TSPAN6: variants seen among roughly 807,000 people sequenced by gnomAD.
TSPAN6 encodes the protein tetraspanin 6.
In TSPAN6, 13 loss-of-function variants were observed where a neutral mutation model predicts 18.0. The observed-to-expected ratio is 0.72, with a 90% CI of 0.47 to 1.15. The LOEUF (loss-of-function observed/expected upper bound fraction) is 1.15. TSPAN6 is among the 50% of genes most tolerant of loss of function. TSPAN6 has a pLI of 0.00. For synonymous variants in TSPAN6, 82 were observed against 67.0 expected, an observed-to-expected ratio of 1.22 and a Z score of -1.09; for missense variants, 186 against 183.9, an observed-to-expected ratio of 1.01 and a Z score of -0.07.
intron 6 of TSPAN6, 44 bp downstream of exon 6, chrX:100,632,441 T>G (rs1242135991): frequency 9.0e-6 from 9 of 1,004,065 alleles, no homozygotes; most frequent in Non-Finnish European, 1.3e-5. Context: ...AGCTTACACC[T>G]ACAAGAGGGA....
chrX:100,630,066 T>C, intron 7 of TSPAN6, 80 bp from the exon 8 acceptor site: 2 of 579,003 alleles, frequency 3.5e-6, no homozygotes, highest in Non-Finnish European at 4.2e-6. Context: ...TTCTAATCTA[T>C]TCCTGCTAAT....
chrX:100,634,584 C>T (rs886781509), intron 3 of TSPAN6, among the ~76,000 whole-genome samples: 64 of 110,672 alleles, frequency 5.8e-4, no homozygotes, highest in African/African-American at 2.0e-3. Context: ...CTCCATCTCC[C>T]GGGTTCATGC....
rs2083088372 is a variant in TSPAN6, at chrX:100,635,547, C to T, written c.276+11G>A. On this transcript the variant is annotated intron_variant, in intron 2 of 7. Transcript: ENST00000373020. ...AACCAAGAATCAATTCTAATGAAAA[C>T]AAGGACTCACCAGTTTTAGCATCCA... 8.6e-7 allele frequency: 1 copy of T among 1,164,700 alleles called. No individual in the cohort carries two copies. The highest frequency in any genetic ancestry group is 1.8e-5 in the African/African-American group (1 of 55,511).
intron 7 of TSPAN6, 140 bp from the exon 8 acceptor site, chrX:100,630,126 T>C (rs2083048851): frequency 1.0e-5 from 2 of 195,272 alleles, no homozygotes; most frequent in Admixed American, 1.9e-4. Context: ...AAATGCAAAG[T>C]GTGCCCTAGG....
intron 5 of TSPAN6, among the ~76,000 whole-genome samples, chrX:100,632,876 T>C (rs1434232592): frequency 9.0e-6 from 1 of 111,379 alleles, no homozygotes; most frequent in Non-Finnish European, 1.9e-5. Flanking sequence ...CAGTGAGCTA[T>C]GATCACAACA....
At chrX:100,632,398 T>G (rs1481073881) in intron 6 of TSPAN6, 87 bp downstream of exon 6, 1 of 692,770 alleles carries the variant, frequency 1.4e-6, no homozygotes, top group African/African-American at 2.3e-5. Context: ...CGAGCAAGAC[T>G]CCATCTCAAA....
chrX:100,630,898 A>G (rs1569351750), intron 6 of TSPAN6, 32 bp from the exon 7 acceptor site: 2 of 1,069,498 alleles, frequency 1.9e-6, no homozygotes, highest in East Asian at 3.0e-5. Context: ...AATTAAATAC[A>G]TACACAAAAG....
At chrX:100,631,529 C>T (rs779857630) in intron 6 of TSPAN6, among the ~76,000 whole-genome samples, 11 of 111,733 alleles carry the variant, frequency 9.8e-5, no homozygotes, top group African/African-American at 3.2e-4. Flanking sequence ...AAACTTCATG[C>T]TACAGTGGGA....
chrX:100,634,123 T>C, intron 3 of TSPAN6, 94 bp from the exon 4 acceptor site: 1 of 536,356 alleles, frequency 1.9e-6, no homozygotes, highest in African/African-American at 2.3e-5. Context: ...AATGGTCATA[T>C]CTTTGACAGC....
rs1479495160 is a variant in TSPAN6 at position 100,627,660 on chromosome X, T to C, written c.*2366A>G. 8.9e-6 allele frequency: 1 copy of C among 112,195 alleles called. No individual in the cohort carries two copies. The highest frequency in any genetic ancestry group is 3.2e-5 in the African/African-American group (1 of 30,843). 9.2% of individuals were successfully genotyped at this position (112,195 alleles called of 1,213,427 possible). ...TCAGTATGCACAAGCACACATCAGC[T>C]ATAAGGGCGTTTTCTAACTGGCTAT... On this transcript the variant is annotated 3_prime_UTR_variant, in exon 8 of 8. Transcript: ENST00000373020.
rs200807667 is a variant in TSPAN6 at position 100,635,718 on chromosome X, C to T, written c.116G>A (p.Gly39Asp). 34 of 1,180,650 alleles carry T rather than the reference C, an allele frequency of 2.9e-5. No homozygotes were observed. The Admixed American group carries it at 8.1e-4, about 28-fold the overall frequency. ...CTCCAGGCTCACCTTGCCCCAAATG[C>T]CAACTGCAAGAAGGATAACGCCAGT... ...WITGVILLAV[G>D]IWGKVSLENY... Residue 39 changes from glycine (G) to aspartate (D), a missense_variant, in exon 2 of 8, where the codon GGC (glycine) becomes GAC (aspartate). Transcript: ENST00000373020.
Position 100,633,502 on chromosome X carries a change from G to A in TSPAN6, c.488C>T (p.Thr163Ile), listed in dbSNP as rs759091780. 2.5e-6 allele frequency: 3 copies of A among 1,205,213 alleles called. No homozygotes were observed. In the South Asian group the frequency reaches 5.4e-5, roughly 22 times the overall value. Residue 163 changes from threonine (T) to isoleucine (I), a missense_variant, in exon 5 of 8, where the codon ACA becomes ATA. Thr to Ile is a moderately conservative substitution (Grantham distance 89). Coordinates refer to ENST00000373020, the MANE Select transcript of TSPAN6 (RefSeq NM_003270.4). ...TTTTTCTGAGTAATAATTAGTATCT[G>A]TCCAATCTCTATAATCGGTGACACC... is the stretch of plus-strand genomic sequence containing the variant. Reference protein sequence around the residue: ...CCGVTDYRDWTDTNYYSEKGF... With the variant: ...CCGVTDYRDWIDTNYYSEKGF...
At chrX:100,634,970 A>T in intron 3 of TSPAN6, among the ~76,000 whole-genome samples, 1 of 112,549 alleles carries the variant, frequency 8.9e-6, no homozygotes, top group East Asian at 2.8e-4. Flanking sequence ...AGGGAATATA[A>T]GTAAGTAATT....
intron 7 of TSPAN6, among the ~76,000 whole-genome samples, chrX:100,630,416 T>C (rs111895914): frequency 0.016 from 1,794 of 111,816 alleles, 43 homozygotes; most frequent in African/African-American, 0.056. Context: ...AGGTCATTCT[T>C]GGGATTCTTT....
At position 100,629,187 on chromosome X, in the gene TSPAN6, TACA is replaced by T. The variant is rs1487236268; in HGVS notation, c.*836_*838del. The T allele has an allele frequency of 1.3e-4, 15 of 112,162 alleles. No homozygotes were observed. In the South Asian group the frequency reaches 3.4e-3, roughly 25 times the overall value. The allele number at this position is 112,162 out of a possible 1,213,427, so 9.2% of individuals were successfully genotyped here. On this transcript the variant is annotated 3_prime_UTR_variant, in exon 8 of 8. Coordinates refer to ENST00000373020, the MANE Select transcript of TSPAN6 (RefSeq NM_003270.4). ...AGTTCCACTGAATTCCTAAGGAAAA[TACA>T]ACAATTCCGACACCATTTAATAATT...
At position 100,634,006 on chromosome X, in the gene TSPAN6, A is replaced by G; in HGVS notation, c.375T>C (p.Asn125=). The G allele has an allele frequency of 1.7e-6, 2 of 1,193,248 alleles. No homozygotes were observed. Among genetic ancestry groups the G allele is most frequent in the Non-Finnish European group, 2.3e-6 (2 of 880,953 alleles). ...RHEIKNSFKN[N]YEKALKQYNS... ...TATACTGCTTCAAAGCCTTCTCATA[A>G]TTATTCTTAAAGCTGTTCTTAATCT... The change falls in exon 4 of 8, where the codon AAT becomes AAC. Residue 125 remains asparagine (N), a synonymous_variant. Coordinates refer to ENST00000373020, the MANE Select transcript of TSPAN6 (RefSeq NM_003270.4).
chrX:100,632,237 T>G (rs938584106), intron 6 of TSPAN6, among the ~76,000 whole-genome samples: 2 of 110,851 alleles, frequency 1.8e-5, no homozygotes, highest in Non-Finnish European at 3.8e-5. Flanking sequence ...AAACCCCAAC[T>G]CTACTAAAAA....
chrX:100,630,781 C>T lies in TSPAN6; in HGVS notation c.*17G>A. 1 of 1,206,026 alleles carries T rather than the reference C, an allele frequency of 8.3e-7. No individual in the cohort carries two copies. Among genetic ancestry groups the T allele is most frequent in the South Asian group, 1.8e-5 (1 of 56,168 alleles). ...CACCTTAAAGGTAGAGAGGAATAGG[C>T]CCACAGATACATTGGGTTACACTAT... On this transcript the variant is annotated 3_prime_UTR_variant, in exon 7 of 8. Transcript: ENST00000373020.
upstream of TSPAN6, chrX:100,636,851 T>TGGG (rs2083100591): frequency 2.0e-6 from 1 of 511,083 alleles, no homozygotes; most frequent in African/African-American, 2.5e-5. Context: ...GGGTAAAGTA[T>TGGG]GGGAGGCTGT....
Sources: allele counts gnomAD v4.1 joint callset (sites outside exome capture counted in the v4.1 genomes callset), GRCh38; gene constraint gnomAD v4.1.1; transcripts MANE v1.5; gene names NCBI Gene and HGNC (gene_info 2026-07-23, HGNC 2026-07-21).